ASB10: variants seen among roughly 807,000 people sequenced by gnomAD.
ASB10 encodes ankyrin repeat and SOCS box protein 10.
Under a neutral mutation model 35.4 loss-of-function variants are expected in ASB10, and 44 were observed. The ratio of observed to expected loss-of-function variants is 1.24; its 90% CI spans 0.98 to 1.60. The LOEUF (loss-of-function observed/expected upper bound fraction) is 1.60. ASB10 is among the 40% of genes most tolerant of loss of function. ASB10 has a pLI of 0.00. For missense variants in ASB10, 647 were observed against 634.3 expected (o/e 1.02, Z -0.22); for synonymous variants, 294 against 280.4 (o/e 1.05, Z -0.49).
chr7:151,184,915 G>C (rs553446294), intron 2 of ASB10, among the ~76,000 whole-genome samples: 1 of 151,694 alleles, frequency 6.6e-6, no homozygotes, highest in African/African-American at 2.4e-5. Flanking sequence ...CCAGCTACTC[G>C]CGAGGCTGAG....
Position 151,186,405 on chromosome 7 carries a change from G to T in ASB10, c.571C>A (p.Pro191Thr), listed in dbSNP as rs191851268. The T allele has an allele frequency of 7.6e-5, 120 of 1,586,342 alleles. No individual in the cohort carries two copies. The African/African-American group carries it at 1.4e-3, about 19-fold the overall frequency. Residue 191 changes from proline to threonine, a missense_variant, in exon 2 of 6, where the codon CCT becomes ACT. Pro to Thr is a conservative substitution (Grantham distance 38). Coordinates refer to ENST00000420175, the MANE Select transcript of ASB10 (RefSeq NM_001142459.2). ...GGGGTCACTCACTCAAGGGTGCCAGGCCCCCGGCAGAGATGCAGGGGGCGT... is the reference window on the plus strand; with the variant it reads ...GGGGTCACTCACTCAAGGGTGCCAGTCCCCCGGCAGAGATGCAGGGGGCGT... ...GKRPLHLCRGPGTLECAELLL... is the reference protein window; with the variant it reads ...GKRPLHLCRGTGTLECAELLL...
chr7:151,181,460 T>C lies in ASB10; in HGVS notation c.585-2A>G. The stretch of plus-strand genomic sequence containing the variant: ...AACCTGAGGAGCAGCTCCGCACACC[T>C]ATTGGGGGGAGACGGTGGTGGGGAG... On this transcript the variant is annotated splice_acceptor_variant, in intron 2 of 5. Coordinates refer to ENST00000420175, the MANE Select transcript of ASB10 (RefSeq NM_001142459.2). LOFTEE classifies it high-confidence loss of function. The C allele has an allele frequency of 6.3e-7, 1 of 1,575,900 alleles. No individual in the cohort carries two copies. Among genetic ancestry groups the C allele is most frequent in the Non-Finnish European group, 8.7e-7 (1 of 1,155,632 alleles).
chr7:151,187,540 C>A (rs759304082), upstream of ASB10: 32 of 1,551,430 alleles, frequency 2.1e-5, no homozygotes, highest in South Asian at 1.8e-4. This position sits in a 1 kb window ranked among gnomAD's most constrained non-coding sequence, Gnocchi z 5.3. Flanking sequence ...GCTCCTGCAA[C>A]CTTGCCAGGT....
chr7:151,175,800 G>A lies in ASB10; in HGVS notation c.*167C>T. On this transcript the variant is annotated 3_prime_UTR_variant, in exon 6 of 6. Transcript: ENST00000420175. ...GTGTGTCTTCATCAGACATCACCCG[G>A]CTGCCGCTGTCGGTCCGCTTCTCTG... 1 of 386,280 alleles carries A rather than the reference G, an allele frequency of 2.6e-6. No individual in the cohort carries two copies. Among genetic ancestry groups the A allele is most frequent in the Non-Finnish European group, 4.7e-6 (1 of 214,114 alleles). The allele number at this position is 386,280 out of a possible 1,614,324, so 23.9% of individuals were successfully genotyped here. A position where few individuals can be genotyped will look rare whatever the true frequency, so the allele number is the denominator to read the frequency against.
intron 2 of ASB10, among the ~76,000 whole-genome samples, chr7:151,185,175 G>A (rs1225123928): frequency 2.8e-5 from 4 of 143,928 alleles, no homozygotes; most frequent in African/African-American, 1.0e-4. Context: ...GTGCAGTGGC[G>A]CAATCTAATC....
intron 2 of ASB10, among the ~76,000 whole-genome samples, chr7:151,185,001 G>A (rs1265838119): frequency 6.6e-6 from 1 of 151,796 alleles, no homozygotes; most frequent in East Asian, 1.9e-4. Context: ...CAGCCTGGGC[G>A]GCAGAGCAAG....
At chr7:151,179,522 A>G (rs893663923) in intron 3 of ASB10, among the ~76,000 whole-genome samples, 2 of 152,210 alleles carry the variant, frequency 1.3e-5, no homozygotes, top group African/African-American at 4.8e-5. Context: ...ACAAGCATCA[A>G]AGTCACATCC....
At chr7:151,186,323 T>C in intron 2 of ASB10, 69 bp downstream of exon 2, 1 of 1,485,142 alleles carries the variant, frequency 6.7e-7, no homozygotes, top group African/African-American at 1.4e-5. Flanking sequence ...TTTTCCCCCA[T>C]CCTCCCTGAG....
At position 151,187,009 on chromosome 7, in the gene ASB10, G is replaced by C; in HGVS notation, c.122C>G (p.Ser41Cys). ...GCGGGTGACGATGGGTCCCGGGCCA[G>C]ACTTGAGGTGCTCCTCAGACCCTCT... ...PSRGSEEHLK[S>C]GPGPIVTRTA... Residue 41 changes from serine to cysteine, a missense_variant, in exon 1 of 6, where the codon TCT (serine) becomes TGT (cysteine). Ser to Cys is a moderately radical substitution (Grantham distance 112). Coordinates refer to ENST00000420175, the MANE Select transcript of ASB10 (RefSeq NM_001142459.2). This position sits in a 1 kb window ranked among gnomAD's most constrained non-coding sequence, Gnocchi z 5.3. 1 of 1,610,958 alleles carries C rather than the reference G, an allele frequency of 6.2e-7. No homozygotes were observed. Among genetic ancestry groups the C allele is most frequent in the Non-Finnish European group, 8.5e-7 (1 of 1,177,826 alleles).
rs554606785 is a variant in ASB10 at position 151,175,822 on chromosome 7, T to C, written c.*145A>G. ...CCGGCTGCCGCTGTCGGTCCGCTTC[T>C]CTGCATTGGGAATTGCAGCATCCAC... On this transcript the variant is annotated 3_prime_UTR_variant, in exon 6 of 6. Coordinates refer to ENST00000420175, the MANE Select transcript of ASB10 (RefSeq NM_001142459.2). 1.2e-3 allele frequency: 523 copies of C among 441,908 alleles called. 1 individual carries two copies. Among genetic ancestry groups the C allele is most frequent in the African/African-American group, 9.7e-3 (476 of 48,882 alleles). 27.4% of individuals were successfully genotyped at this position (441,908 alleles called of 1,614,324 possible). A position where few individuals can be genotyped will look rare whatever the true frequency, so the allele number is the denominator to read the frequency against.
chr7:151,177,524 C>T (rs1048806915), intron 3 of ASB10, among the ~76,000 whole-genome samples: 1 of 151,946 alleles, frequency 6.6e-6, no homozygotes, highest in African/African-American at 2.4e-5. Flanking sequence ...GTGGCTGGAG[C>T]TCCTGAGCAG....
chr7:151,184,604 G>A (rs1442812332), intron 2 of ASB10, among the ~76,000 whole-genome samples: 1 of 152,148 alleles, frequency 6.6e-6, no homozygotes, highest in Non-Finnish European at 1.5e-5. Flanking sequence ...GGGTGGGGTG[G>A]GTGGTTAGTG....
chr7:151,184,337 C>T lies in ASB10; in HGVS notation c.584+2055G>A, dbSNP rs369478389. On this transcript the variant is annotated intron_variant, in intron 2 of 5. Coordinates refer to ENST00000420175, the MANE Select transcript of ASB10 (RefSeq NM_001142459.2). ...CTGAGGCGGGAGAATGGCGTGAACC[C>T]GGGAGGCGGAGCTTGCAGTGAGCCG... Among the ~76,000 whole-genome samples the T allele has an allele frequency of 3.9e-3, 589 of 151,234 alleles. 7 individuals are homozygous for T. Among genetic ancestry groups the T allele is most frequent in the African/African-American group, 0.014 (560 of 41,130 alleles).
In ASB10 at chr7:151,181,009, C is replaced by A; in HGVS notation, c.1034G>T (p.Ser345Ile). Residue 345 changes from serine (S) to isoleucine (I), a missense_variant, in exon 3 of 6, where the codon AGC becomes ATC. Ser to Ile is a moderately radical substitution (Grantham distance 142). Transcript: ENST00000420175. Reference protein sequence around the residue: ...LQGPAAALAQSPEHVVRALLN... With the variant: ...LQGPAAALAQIPEHVVRALLN... ...CAGAGCCCGAACCACGTGCTCGGGGCTCTGGGCCAGGGCTGCAGCTGGGCC... is the reference window on the plus strand; with the variant it reads ...CAGAGCCCGAACCACGTGCTCGGGGATCTGGGCCAGGGCTGCAGCTGGGCC... 6.2e-7 allele frequency: 1 copy of A among 1,603,706 alleles called. No individual in the cohort carries two copies. Among genetic ancestry groups the A allele is most frequent in the East Asian group, 2.2e-5 (1 of 44,602 alleles).
At chr7:151,177,025 C>A (rs972399000) in intron 3 of ASB10, among the ~76,000 whole-genome samples, 1 of 152,218 alleles carries the variant, frequency 6.6e-6, no homozygotes, top group Admixed American at 6.5e-5. Flanking sequence ...TTGTGGGAAA[C>A]CACTGGAAGC....
chr7:151,186,599 C>G lies in ASB10; in HGVS notation c.377G>C (p.Arg126Pro). The part of the protein sequence containing the change: ...LTTPLHVAAS[R>P]GHTEVLRLLL... ...CAGCCGCAGGACTTCCGTGTGGCCACGGCTGGCTGCCACATGCAGTGGGGT... is the reference window on the plus strand; with the variant it reads ...CAGCCGCAGGACTTCCGTGTGGCCAGGGCTGGCTGCCACATGCAGTGGGGT... The change falls in exon 2 of 6, where the codon CGT becomes CCT. Residue 126 changes from arginine to proline, a missense_variant. Arg to Pro is a moderately radical substitution (Grantham distance 103, BLOSUM62 -2). Transcript: ENST00000420175. The G allele has an allele frequency of 6.2e-7, 1 of 1,609,716 alleles. No homozygotes were observed. The highest frequency in any genetic ancestry group is 1.1e-5 in the South Asian group (1 of 90,474).
Position 151,186,669 on chromosome 7 carries a change from G to C in ASB10, c.317-10C>G, listed in dbSNP as rs760848079. 2.3e-5 allele frequency: 37 copies of C among 1,595,306 alleles called. No homozygotes were observed. Among genetic ancestry groups the C allele is most frequent in the Non-Finnish European group, 2.7e-5 (32 of 1,168,400 alleles). On this transcript the variant is annotated splice_polypyrimidine_tract_variant and intron_variant, in intron 1 of 5. Coordinates refer to ENST00000420175, the MANE Select transcript of ASB10 (RefSeq NM_001142459.2). ...GTCAGAGACCAGAGTCCTAGGGAGG[G>C]GAGACGTGGGCCTCAGATCCCCAGG... is the stretch of plus-strand genomic sequence containing the variant.
rs1302123650 is a variant in ASB10 at position 151,186,483 on chromosome 7, G to T, written c.493C>A (p.His165Asn). The change falls in exon 2 of 6, where the codon CAT becomes AAT. Residue 165 changes from histidine to asparagine, a missense_variant. Transcript: ENST00000420175. ...TCGGCTCCTGCCACCAGCAGCACATGAACACAGGCAGTGTGGCCTGCAGCA... is the reference window on the plus strand; with the variant it reads ...TCGGCTCCTGCCACCAGCAGCACATTAACACAGGCAGTGTGGCCTGCAGCA... ...ACAAGHTACV[H>N]VLLVAGADPN... 3.1e-6 allele frequency: 5 copies of T among 1,599,756 alleles called. No individual in the cohort carries two copies. In the Admixed American group the frequency reaches 8.6e-5, roughly 28 times the overall value.
rs1458715016 is a variant in ASB10, at chr7:151,176,192, G to A, written c.1324C>T (p.Pro442Ser). The change falls in exon 5 of 6, where the codon CCC becomes TCC. Residue 442 changes from proline (P) to serine (S), a missense_variant. Transcript: ENST00000420175. ...AGGGGGAGGCGGGGCAGCGCTTGGG[G>A]CAGGCTGCCCTCCAGGTGGGAGCGG... is the stretch of plus-strand genomic sequence containing the variant. The part of the protein sequence containing the change: ...ALRSHLEGSL[P>S]QALPRLPLPP... 1.9e-6 allele frequency: 3 copies of A among 1,610,820 alleles called. No homozygotes were observed. The highest frequency in any genetic ancestry group is 1.3e-5 in the African/African-American group (1 of 74,868).
Sources: gnomAD v4.1 joint callset for allele counts (sites outside exome capture counted in the v4.1 genomes callset) on GRCh38, gnomAD v4.1.1 for gene constraint, Gnocchi (gnomAD v3.1) non-coding constraint, MANE v1.5 for transcripts, NCBI Gene and HGNC (gene_info 2026-07-23, HGNC 2026-07-21) for gene names.